NMT2: variants seen among roughly 807,000 people sequenced by gnomAD.
NMT2 encodes the protein glycylpeptide N-tetradecanoyltransferase 2.
NMT2 carries 35 observed loss-of-function variants against 65.4 expected under a neutral mutation model. That is an observed-to-expected ratio of 0.54 (90% confidence interval 0.41 to 0.71). The LOEUF (loss-of-function observed/expected upper bound fraction) is 0.71, where lower values mean the gene tolerates loss of function less well. Ranked by LOEUF, NMT2 falls within the 30% of genes least tolerant of loss-of-function variation. The probability of loss-of-function intolerance (pLI) is 0.00; values close to 1 mark genes in which losing one functional copy is unlikely to be tolerated. For synonymous variants in NMT2, 226 were observed against 231.8 expected, an observed-to-expected ratio of 0.98 and a Z score of 0.23; for missense variants, 489 against 611.3, an observed-to-expected ratio of 0.80 and a Z score of 2.11.
intron 1 of NMT2, among the ~76,000 whole-genome samples, chr10:15,159,852 G>C (rs555179045): frequency 6.6e-6 from 1 of 152,200 alleles, no homozygotes; most frequent in South Asian, 2.1e-4. Flanking sequence ...CCACAGCTTG[G>C]GGCAGGAGAA....
intron 2 of NMT2, chr10:15,141,078 C>A (rs781420108): frequency 1.4e-6 from 2 of 1,476,182 alleles, no homozygotes; most frequent in South Asian, 2.4e-5. Flanking sequence ...ATGTGAATAT[C>A]TTCTGAACGA....
At chr10:15,128,496 C>T in intron 7 of NMT2, 38 bp from the exon 8 acceptor site, 1 of 1,265,172 alleles carries the variant, frequency 7.9e-7, no homozygotes, top group Admixed American at 1.8e-5. Flanking sequence ...AAATTGATTT[C>T]TAACTCTACA....
At chr10:15,151,059 C>CTTTTTTTTTTTTTTTTTTTTTTTT (rs200879621) in intron 1 of NMT2, among the ~76,000 whole-genome samples, 6 of 139,886 alleles carry the variant, frequency 4.3e-5, no homozygotes, top group African/African-American at 1.6e-4. Flanking sequence ...TAGCTTCCTC[C>CTTTTTTTTTTTTTTTTTTTTTTTT]TTTTTTTTTT....
intron 1 of NMT2, among the ~76,000 whole-genome samples, chr10:15,147,809 T>C (rs1259767866): frequency 6.6e-6 from 1 of 152,168 alleles, no homozygotes; most frequent in African/African-American, 2.4e-5. Context: ...AAGAATTAAA[T>C]GATAACTTCA....
chr10:15,143,963 G>C lies in NMT2; in HGVS notation c.111-2406C>G, dbSNP rs1846867959. ...GACATTTTAAAAAATTAAAATACCA[G>C]ACTATTTCACCAAAAAATCCTTAAG... On this transcript the variant is annotated intron_variant, in intron 1 of 11. Transcript: ENST00000378165. Among the ~76,000 whole-genome samples, 4 of 152,062 alleles carry C rather than the reference G, an allele frequency of 2.6e-5. No individual in the cohort carries two copies. In the South Asian group the frequency reaches 8.3e-4, roughly 31 times the overall value.
intron 2 of NMT2, among the ~76,000 whole-genome samples, chr10:15,137,742 T>C (rs1385709753): frequency 6.6e-6 from 1 of 152,182 alleles, no homozygotes; most frequent in African/African-American, 2.4e-5. Flanking sequence ...TGTTCCTTGA[T>C]TTCTTTCCTG....
At chr10:15,116,590 C>T (rs1395317362) in intron 9 of NMT2, among the ~76,000 whole-genome samples, 3 of 152,012 alleles carry the variant, frequency 2.0e-5, no homozygotes, top group Admixed American at 2.0e-4. Flanking sequence ...ATCAATGACA[C>T]TGAAAACAGG....
In NMT2 at chr10:15,141,430, G is replaced by A. The variant is rs760211454; in HGVS notation, c.238C>T (p.Pro80Ser). ...SDSQEIKIQQ[P>S]SKNPSVPMQK... is the part of the protein sequence containing the mutation. The stretch of plus-strand genomic sequence containing the variant: ...TAAAACAGAGCTCTCACTTTCGAAG[G>A]CTGCTGAATTTTAATCTCCTGGGAA... Residue 80 changes from proline to serine, a missense_variant, in exon 2 of 12, where the codon CCT becomes TCT. Physicochemically the swap from Pro to Ser is moderately conservative, Grantham distance 74 (BLOSUM62 -1). Coordinates refer to ENST00000378165, the MANE Select transcript of NMT2 (RefSeq NM_004808.3). 6.2e-6 allele frequency: 10 copies of A among 1,614,016 alleles called. No homozygotes were observed. Among genetic ancestry groups the A allele is most frequent in the Middle Eastern group, 1.7e-4 (1 of 6,058 alleles).
chr10:15,129,058 G>C (rs941474777), intron 7 of NMT2, among the ~76,000 whole-genome samples: 1 of 152,072 alleles, frequency 6.6e-6, no homozygotes, highest in Non-Finnish European at 1.5e-5. Context: ...AAGTGTGTAA[G>C]GACCATCACT....
rs375217303 is a variant in NMT2, at chr10:15,121,628, A to G, written c.1000-2115T>C. Among the ~76,000 whole-genome samples the G allele has an allele frequency of 2.0e-5, 3 of 152,246 alleles. 1 individual carries two copies. Among genetic ancestry groups the G allele is most frequent in the Admixed American group, 6.5e-5 (1 of 15,290 alleles). On this transcript the variant is annotated intron_variant, in intron 8 of 11. Transcript: ENST00000378165. ...GTGATCTGCCCACCTCGGCCTCCCA[A>G]AGTGCTGGGATTACAGGTGTGAGCC...
chr10:15,130,724 A>AAG (rs1450563578), intron 6 of NMT2, among the ~76,000 whole-genome samples: 5 of 146,884 alleles, frequency 3.4e-5, no homozygotes, highest in Non-Finnish European at 7.4e-5. Flanking sequence ...AAAAAAAAAA[A>AAG]AAAGAAAAGA....
rs1239228720 is a variant in NMT2, at chr10:15,108,294, C to T, written c.*901G>A. On this transcript the variant is annotated 3_prime_UTR_variant, in exon 12 of 12. Transcript: ENST00000378165. ...CCTCACCTCTCAGGTTCAAGCGATT[C>T]TCCTGCCTCAGCCTCCCAAGCAGCT... 2 of 676,630 alleles carry T rather than the reference C, an allele frequency of 3.0e-6. No homozygotes were observed. The highest frequency in any genetic ancestry group is 3.6e-6 in the Non-Finnish European group (2 of 548,728). The allele number at this position is 676,630 out of a possible 1,614,324, so 41.9% of individuals were successfully genotyped here.
chr10:15,141,340 T>C, intron 2 of NMT2, 82 bp downstream of exon 2: 2 of 1,532,290 alleles, frequency 1.3e-6, no homozygotes, highest in Non-Finnish European at 8.9e-7. Context: ...CCTACACATC[T>C]GATGCAGCAG....
rs1306364737 is a variant in NMT2, at chr10:15,107,711, TCCCAAAGTGCTGGGA to T, written c.*1469_*1483del. ...CTCAAATGTTTCGCCCGCCTTGGCC[TCCCAAAGTGCTGGGA>T]TTACAGGCGTGAGCCACCACACCCA... is the stretch of plus-strand genomic sequence containing the variant. On this transcript the variant is annotated 3_prime_UTR_variant, in exon 12 of 12. Transcript: ENST00000378165. The T allele has an allele frequency of 6.3e-6, 6 of 947,590 alleles. No homozygotes were observed. The highest frequency in any genetic ancestry group is 7.5e-6 in the Non-Finnish European group (6 of 795,746). 58.7% of individuals were successfully genotyped at this position (947,590 alleles called of 1,614,324 possible).
At chr10:15,118,692 T>C (rs530370963) in intron 9 of NMT2, among the ~76,000 whole-genome samples, 7 of 151,778 alleles carry the variant, frequency 4.6e-5, no homozygotes, top group South Asian at 2.1e-4. Flanking sequence ...AATGAGGATA[T>C]AAATTAACAA....
At chr10:15,133,823 A>T (rs1846376354) in intron 3 of NMT2, among the ~76,000 whole-genome samples, 1 of 152,194 alleles carries the variant, frequency 6.6e-6, no homozygotes, top group African/African-American at 2.4e-5. Context: ...CCTGGGTTCA[A>T]GTGATCCTCC....
At chr10:15,115,524 AAG>A (rs1297456645) in intron 9 of NMT2, among the ~76,000 whole-genome samples, 1 of 152,202 alleles carries the variant, frequency 6.6e-6, no homozygotes, top group African/African-American at 2.4e-5. Context: ...GGCAAGAAAA[AAG>A]AAACAGAGGA....
chr10:15,161,931 G>C lies in NMT2; in HGVS notation c.110+6572C>G, dbSNP rs976961295. On this transcript the variant is annotated intron_variant, in intron 1 of 11. Transcript: ENST00000378165. Reference sequence around the variant, plus strand: ...TGGTTAATTTTTTGATATGGATAAAGAAATATAGATGAAAACATACTTGTT... The same window carrying C: ...TGGTTAATTTTTTGATATGGATAAACAAATATAGATGAAAACATACTTGTT... Among the ~76,000 whole-genome samples the C allele has an allele frequency of 2.6e-5, 4 of 152,130 alleles. No individual in the cohort carries two copies. The East Asian group carries it at 7.7e-4, about 29-fold the overall frequency.
At chr10:15,112,173 T>TC (rs1266134950) in intron 10 of NMT2, among the ~76,000 whole-genome samples, 6 of 62,340 alleles carry the variant, frequency 9.6e-5, no homozygotes, top group Non-Finnish European at 1.7e-4. Context: ...AGATATGGGC[T>TC]TTATATATAT....
Sources: gnomAD v4.1 joint callset for allele counts (sites outside exome capture counted in the v4.1 genomes callset) on GRCh38, gnomAD v4.1.1 for gene constraint, MANE v1.5 for transcripts, NCBI Gene and HGNC (gene_info 2026-07-23, HGNC 2026-07-21) for gene names.